The following SCIN variants were observed in gnomAD, a reference collection of about 807,000 sequenced individuals.
The protein encoded by SCIN is adseverin.
SCIN carries 91 observed loss-of-function variants against 91.8 expected under a neutral mutation model. The observed-to-expected ratio is 0.99, with a 90% CI of 0.84 to 1.18. The LOEUF is 1.18. Ranked by LOEUF, SCIN falls within the 50% of genes most tolerant of loss-of-function variation. The pLI is 0.00. For missense variants in SCIN, 1,087 were observed against 863.9 expected, an observed-to-expected ratio of 1.26 and a Z score of -3.24; for synonymous variants, 367 against 312.6, an observed-to-expected ratio of 1.17 and a Z score of -1.84.
intron 3 of SCIN, among the ~76,000 whole-genome samples, chr7:12,602,470 C>G (rs1782978574): frequency 6.6e-6 from 1 of 152,180 alleles, no homozygotes; most frequent in African/African-American, 2.4e-5. Context: ...CAAAAATTTA[C>G]CAGGCTGGAA....
At chr7:12,622,728 A>G (rs1783434091) in intron 4 of SCIN, 73 bp from the exon 5 acceptor site, 1 of 988,390 alleles carries the variant, frequency 1.0e-6, no homozygotes, top group Non-Finnish European at 1.6e-6. Context: ...TGTCTTTATA[A>G]GTGTATTTTT....
In SCIN at chr7:12,625,431, C is replaced by CTTT. The variant is rs10656602; in HGVS notation, c.892+307_892+309dup. Among the ~76,000 whole-genome samples, 554 of 97,498 alleles carry CTTT rather than the reference C, an allele frequency of 5.7e-3. 24 individuals are homozygous for CTTT. The highest frequency in any genetic ancestry group is 0.013 in the Middle Eastern group (2 of 150). 64.0% of individuals were successfully genotyped at this position (97,498 alleles called of 152,430 possible). On this transcript the variant is annotated intron_variant, in intron 6 of 15. Transcript: ENST00000297029. ...AATATACCAGGAAATTTTTGCTATTCTTTTTTTTTTTTTTTTTTTTCCGTC... is the reference window on the plus strand; with the variant it reads ...AATATACCAGGAAATTTTTGCTATTCTTTTTTTTTTTTTTTTTTTTTTTCCGTC...
At chr7:12,632,188 G>A (rs1377648700) in intron 9 of SCIN, among the ~76,000 whole-genome samples, 1 of 149,860 alleles carries the variant, frequency 6.7e-6, no homozygotes, top group Non-Finnish European at 1.5e-5. Context: ...GGAGTACAGT[G>A]GTGCCACTCT....
intron 10 of SCIN, among the ~76,000 whole-genome samples, chr7:12,636,917 A>AT (rs1012947098): frequency 4.3e-5 from 6 of 140,618 alleles, no homozygotes; most frequent in African/African-American, 1.5e-4. Flanking sequence ...AAAAAATAAA[A>AT]TTAAAAAAAA....
chr7:12,618,010 A>G (rs1228306427), intron 4 of SCIN, among the ~76,000 whole-genome samples: 1 of 151,916 alleles, frequency 6.6e-6, no homozygotes, highest in Admixed American at 6.6e-5. Flanking sequence ...TAATTTTCTT[A>G]TGAGTTTGAC....
chr7:12,628,026 T>C (rs1244197432), intron 8 of SCIN, among the ~76,000 whole-genome samples: 2 of 87,610 alleles, frequency 2.3e-5, no homozygotes, highest in East Asian at 5.0e-4. Flanking sequence ...TAGGCAAGTG[T>C]GCGCGCGTGT....
intron 3 of SCIN, among the ~76,000 whole-genome samples, chr7:12,582,525 G>T (rs1782508413): frequency 6.6e-6 from 1 of 152,104 alleles, no homozygotes; most frequent in Non-Finnish European, 1.5e-5. Flanking sequence ...TGTGTGCAAA[G>T]TTGAGATCAC....
intron 3 of SCIN, among the ~76,000 whole-genome samples, chr7:12,601,768 G>A (rs1469842799): frequency 6.6e-6 from 1 of 152,164 alleles, no homozygotes; most frequent in Non-Finnish European, 1.5e-5. Context: ...CAAACACAGA[G>A]CCAGAGCTTG....
rs1332161196 is a variant in SCIN, at chr7:12,651,521, G to T, written c.1960-320G>T. On this transcript the variant is annotated intron_variant, in intron 14 of 15. Coordinates refer to ENST00000297029, the MANE Select transcript of SCIN (RefSeq NM_001112706.3). The surrounding 1 kb of genome is among the most constrained non-coding windows in gnomAD (Gnocchi z 5.9). Reference sequence around the variant, plus strand: ...TGCTGTCACACCCTAGGGGGTGGATGAAAAAAAAAAGTCCACCCAGACAAT... The same window carrying T: ...TGCTGTCACACCCTAGGGGGTGGATTAAAAAAAAAAGTCCACCCAGACAAT... Among the ~76,000 whole-genome samples, 1 of 146,196 alleles carries T rather than the reference G, an allele frequency of 6.8e-6. No homozygotes were observed. Among genetic ancestry groups the T allele is most frequent in the East Asian group, 2.0e-4 (1 of 5,058 alleles).
At chr7:12,615,995 G>C (rs992405244) in intron 4 of SCIN, among the ~76,000 whole-genome samples, 1 of 152,086 alleles carries the variant, frequency 6.6e-6, no homozygotes, top group Non-Finnish European at 1.5e-5. Context: ...ATGTGTATAT[G>C]TATATGTATA....
In SCIN at chr7:12,580,377, G is replaced by A. The variant is rs566203832; in HGVS notation, c.355-683G>A. On this transcript the variant is annotated intron_variant, in intron 2 of 15. Transcript: ENST00000297029. The stretch of plus-strand genomic sequence containing the variant: ...ATATCTTTCTTTAATTCGGGTGATT[G>A]TATTTCATTTTATTTTATTTTTTTT... Among the ~76,000 whole-genome samples, 3 of 152,178 alleles carry A rather than the reference G, an allele frequency of 2.0e-5. No homozygotes were observed. In the South Asian group the frequency reaches 6.2e-4, roughly 32 times the overall value.
At chr7:12,636,282 C>T (rs1783750491) in intron 10 of SCIN, 147 bp downstream of exon 10, 2 of 614,830 alleles carry the variant, frequency 3.3e-6, no homozygotes, top group African/African-American at 1.9e-5. Context: ...AATATTCCTA[C>T]TCTCATTTCA....
intron 9 of SCIN, among the ~76,000 whole-genome samples, chr7:12,633,990 G>A (rs1216918633): frequency 7.0e-6 from 1 of 143,726 alleles, no homozygotes; most frequent in African/African-American, 2.6e-5. Context: ...GCACCCCTCT[G>A]TAGAACATTT....
intron 2 of SCIN, 43 bp downstream of exon 2, chr7:12,578,261 C>T: frequency 6.7e-7 from 1 of 1,498,824 alleles, no homozygotes; most frequent in Non-Finnish European, 8.9e-7. Context: ...CCTTTCTCCT[C>T]TTGTCCATCC....
Position 12,640,436 on chromosome 7 carries a change from G to A in SCIN, c.1500G>A (p.Lys500=), listed in dbSNP as rs1054983635. 5.6e-6 allele frequency: 9 copies of A among 1,613,300 alleles called. No homozygotes were observed. Among genetic ancestry groups the A allele is most frequent in the Non-Finnish European group, 6.8e-6 (8 of 1,179,646 alleles). The change falls in exon 11 of 16, where the codon AAG becomes AAA. Residue 500 remains lysine, a synonymous_variant. Coordinates refer to ENST00000297029, the MANE Select transcript of SCIN (RefSeq NM_001112706.3). The part of the protein sequence containing the change: ...PLIIYKNGTS[K]KGGQAPAPPT... The stretch of plus-strand genomic sequence containing the variant: ...TTATTTACAAGAATGGAACATCAAA[G>A]AAAGGAGGTCAGGCACCTGCTCCCC...
chr7:12,600,640 C>T (rs1424838007), intron 3 of SCIN, among the ~76,000 whole-genome samples: 1 of 152,158 alleles, frequency 6.6e-6, no homozygotes, highest in African/African-American at 2.4e-5. Context: ...GCAGAAAAGT[C>T]TACTGAGTTG....
chr7:12,652,453 T>C (rs1583327469), intron 15 of SCIN, 135 bp from the exon 16 acceptor site: 1 of 772,738 alleles, frequency 1.3e-6, no homozygotes, highest in South Asian at 1.9e-5. Flanking sequence ...AGAATTTTCA[T>C]TTTCAATGTA....
Position 12,660,173 on chromosome 7 carries a change from C to T in SCIN, c.*7458C>T, listed in dbSNP as rs971692174. On this transcript the variant is annotated 3_prime_UTR_variant, in exon 16 of 16. Transcript: ENST00000297029. ...CCAGGTGAAATAAACAGCCTTGTTG[C>T]TAACCCAAAGCCTGTTTGGTGGTCT... 1 of 152,998 alleles carries T rather than the reference C, an allele frequency of 6.5e-6. No individual in the cohort carries two copies. Among genetic ancestry groups the T allele is most frequent in the Non-Finnish European group, 1.5e-5 (1 of 68,714 alleles). 9.5% of individuals were successfully genotyped at this position (152,998 alleles called of 1,614,324 possible).
intron 3 of SCIN, among the ~76,000 whole-genome samples, chr7:12,601,435 C>T (rs889234653): frequency 6.6e-6 from 1 of 152,294 alleles, no homozygotes; most frequent in East Asian, 1.9e-4. Context: ...ATCAAATACC[C>T]AGAAAGTGGC....
Sources: allele counts gnomAD v4.1 joint callset (sites outside exome capture counted in the v4.1 genomes callset), GRCh38; gene constraint gnomAD v4.1.1; non-coding constraint Gnocchi (gnomAD v3.1); transcripts MANE v1.5; gene names NCBI Gene and HGNC (gene_info 2026-07-23, HGNC 2026-07-21).